Variants in TMEFF2 observed in about 807,000 individuals in gnomAD.
TMEFF2 encodes transmembrane protein with EGF like and two follistatin like domains 2.
Under a neutral mutation model 53.8 loss-of-function variants are expected in TMEFF2, and 28 were observed. The ratio of observed to expected loss-of-function variants is 0.52; its 90% CI spans 0.39 to 0.71. TMEFF2 has a LOEUF of 0.71. Ranked by LOEUF, TMEFF2 falls within the 30% of genes least tolerant of loss-of-function variation. The pLI is 0.00. For synonymous variants in TMEFF2, 162 were observed against 166.3 expected, an observed-to-expected ratio of 0.97 and a Z score of 0.20; for missense variants, 353 against 455.2, an observed-to-expected ratio of 0.78 and a Z score of 2.04.
intron 7 of TMEFF2, among the ~76,000 whole-genome samples, chr2:191,964,333 C>CTTCTTTCTTTCTTTCTTTCT (rs368928481): frequency 2.4e-4 from 17 of 71,508 alleles, no homozygotes; most frequent in African/African-American, 4.7e-4. Flanking sequence ...CCTTTCTTTC[C>CTTCTTTCTTTCTTTCTTTCT]TTCTTTCTTT....
chr2:192,149,602 G>T (rs1270379778), intron 4 of TMEFF2, among the ~76,000 whole-genome samples: 1 of 151,924 alleles, frequency 6.6e-6, no homozygotes, highest in African/African-American at 2.4e-5. Flanking sequence ...TAAATATGAA[G>T]TTCAGAGTAT....
chr2:192,024,877 A>G (rs1421785429), intron 5 of TMEFF2, among the ~76,000 whole-genome samples: 1 of 152,226 alleles, frequency 6.6e-6, no homozygotes, highest in East Asian at 1.9e-4. Flanking sequence ...TTTATGCAGC[A>G]GAGTTTTCTA....
intron 4 of TMEFF2, among the ~76,000 whole-genome samples, chr2:192,165,815 C>T (rs1690751702): frequency 6.6e-6 from 1 of 151,684 alleles, no homozygotes; most frequent in African/African-American, 2.4e-5. Context: ...ATACTGTGTG[C>T]TAGAAATGTC....
intron 2 of TMEFF2, among the ~76,000 whole-genome samples, chr2:192,188,793 C>T (rs756514590): frequency 5.9e-5 from 9 of 151,886 alleles, no homozygotes; most frequent in Admixed American, 1.3e-4. Context: ...TTTCCTCCCT[C>T]TCTGCCTCCC....
chr2:192,087,791 T>C (rs1688700124), intron 4 of TMEFF2, among the ~76,000 whole-genome samples: 1 of 152,186 alleles, frequency 6.6e-6, no homozygotes, highest in Non-Finnish European at 1.5e-5. Flanking sequence ...CTCAGATCCC[T>C]GTACTGTCTG....
At chr2:192,122,701 AC>A (rs1368514473) in intron 4 of TMEFF2, among the ~76,000 whole-genome samples, 11 of 152,238 alleles carry the variant, frequency 7.2e-5, no homozygotes, top group African/African-American at 2.6e-4. Context: ...TTAGAAGATT[AC>A]CTTTATGAAA....
chr2:192,065,653 CTTTA>C (rs1688152664), intron 4 of TMEFF2, among the ~76,000 whole-genome samples: 1 of 151,304 alleles, frequency 6.6e-6, no homozygotes, highest in African/African-American at 2.4e-5. Context: ...TCTTTTTTTA[CTTTA>C]TTTACATAAA....
At chr2:192,086,377 C>T (rs1688670187) in intron 4 of TMEFF2, among the ~76,000 whole-genome samples, 1 of 152,084 alleles carries the variant, frequency 6.6e-6, no homozygotes, top group South Asian at 2.1e-4. Context: ...AAAATAATAT[C>T]CTTCTGACAA....
intron 4 of TMEFF2, among the ~76,000 whole-genome samples, chr2:192,131,686 C>G (rs967364624): frequency 1.1e-4 from 17 of 152,262 alleles, no homozygotes; most frequent in African/African-American, 3.9e-4. Context: ...TTGCCTCCTT[C>G]ACTATGGGCA....
intron 4 of TMEFF2, among the ~76,000 whole-genome samples, chr2:192,156,899 G>A (rs541271676): frequency 7.2e-5 from 11 of 151,968 alleles, no homozygotes; most frequent in African/African-American, 2.7e-4. Flanking sequence ...AATTAAGGTC[G>A]AGAGAGGTTA....
intron 5 of TMEFF2, chr2:192,037,173 T>C (rs1687315444): frequency 6.6e-6 from 1 of 151,910 alleles, no homozygotes. Flanking sequence ...GCCTCATTAC[T>C]GGCTTCTTTC....
intron 5 of TMEFF2, among the ~76,000 whole-genome samples, chr2:192,045,700 G>T (rs1215053845): frequency 6.6e-6 from 1 of 152,138 alleles, no homozygotes; most frequent in African/African-American, 2.4e-5. Context: ...CCACCACTGA[G>T]TTCTTAATCT....
At chr2:192,099,088 A>G (rs573149928) in intron 4 of TMEFF2, among the ~76,000 whole-genome samples, 2 of 152,282 alleles carry the variant, frequency 1.3e-5, no homozygotes, top group East Asian at 3.9e-4. Context: ...GGGAACCAGC[A>G]CAAAGCATGG....
chr2:191,988,118 A>G (rs1015196668), intron 7 of TMEFF2, among the ~76,000 whole-genome samples: 2 of 152,198 alleles, frequency 1.3e-5, no homozygotes, highest in Non-Finnish European at 2.9e-5. Context: ...ATCTACTTAG[A>G]CACATAAGCA....
intron 4 of TMEFF2, among the ~76,000 whole-genome samples, chr2:192,157,016 G>A (rs989814566): frequency 1.3e-5 from 2 of 152,118 alleles, no homozygotes; most frequent in Admixed American, 1.3e-4. Context: ...CCAAGATGCA[G>A]TTTGTATAGG....
In TMEFF2 at chr2:191,997,275, G is replaced by A. The variant is rs557060409; in HGVS notation, c.745+987C>T. On this transcript the variant is annotated intron_variant, in intron 7 of 9. Coordinates refer to ENST00000272771, the MANE Select transcript of TMEFF2 (RefSeq NM_016192.4). ...AACATTAAGATAAAATGTGGAAAAT[G>A]TTTAAAATATAAATGTTTAAAATAT... Among the ~76,000 whole-genome samples, 18 of 151,902 alleles carry A rather than the reference G, an allele frequency of 1.2e-4. No homozygotes were observed. In the South Asian group the frequency reaches 3.5e-3, roughly 30 times the overall value.
Position 191,950,230 on chromosome 2 carries a change from C to T in TMEFF2, c.*81G>A. ...AATGCAAGGCAACATGTGTAGATCTCTTGTCTTATTCTTTTGTCTATAATA... is the reference window on the plus strand; with the variant it reads ...AATGCAAGGCAACATGTGTAGATCTTTTGTCTTATTCTTTTGTCTATAATA... On this transcript the variant is annotated 3_prime_UTR_variant, in exon 10 of 10. Transcript: ENST00000272771. 6.5e-7 allele frequency: 1 copy of T among 1,542,298 alleles called. No homozygotes were observed. The highest frequency in any genetic ancestry group is 1.2e-5 in the South Asian group (1 of 83,982).
chr2:192,160,062 T>A (rs1314270641), intron 4 of TMEFF2, among the ~76,000 whole-genome samples: 2 of 152,206 alleles, frequency 1.3e-5, no homozygotes, highest in African/African-American at 4.8e-5. Context: ...GTGATATTAC[T>A]GCCTGGAAAA....
At chr2:192,037,299 AAG>A (rs1491165769) in intron 5 of TMEFF2, among the ~76,000 whole-genome samples, 1 of 148,250 alleles carries the variant, frequency 6.7e-6, no homozygotes, top group East Asian at 2.0e-4. Context: ...GAAAGAAAGA[AAG>A]AAAGAAAGAA....
Sources: allele counts gnomAD v4.1 joint callset (sites outside exome capture counted in the v4.1 genomes callset), GRCh38; gene constraint gnomAD v4.1.1; transcripts MANE v1.5; gene names NCBI Gene and HGNC (gene_info 2026-07-23, HGNC 2026-07-21).